CSMD1: variants seen among roughly 807,000 people sequenced by gnomAD.
CSMD1 encodes the protein CUB and sushi domain-containing protein 1.
A neutral mutation model predicts 417.5 loss-of-function variants in CSMD1; 213 were observed. The observed-to-expected ratio is 0.51, with a 90% CI of 0.46 to 0.57. The LOEUF (loss-of-function observed/expected upper bound fraction) is 0.57, where lower values mean the gene tolerates loss of function less well. Ranked by LOEUF, CSMD1 falls within the 20% of genes least tolerant of loss-of-function variation. The pLI is 0.00. For missense variants in CSMD1, 6,923 were observed against 4,529.7 expected, an observed-to-expected ratio of 1.53 and a Z score of -15.17; for synonymous variants, 2,862 against 1,736.8, an observed-to-expected ratio of 1.65 and a Z score of -16.11.
chr8:4,706,970 G>A (rs1184389626), intron 1 of CSMD1, among the ~76,000 whole-genome samples: 1 of 152,212 alleles, frequency 6.6e-6, no homozygotes, highest in African/African-American at 2.4e-5. Flanking sequence ...TGGGGTTAGA[G>A]TGACAGGGAC....
chr8:4,270,301 CTTTATACTGGT>C (rs972284554), intron 3 of CSMD1, among the ~76,000 whole-genome samples: 1 of 152,074 alleles, frequency 6.6e-6, no homozygotes, highest in Non-Finnish European at 1.5e-5. Flanking sequence ...TCTTCCCAGT[CTTTATACTGGT>C]TTTATGCTTT....
intron 4 of CSMD1, among the ~76,000 whole-genome samples, chr8:4,030,847 T>C (rs535059326): frequency 1.3e-5 from 2 of 152,334 alleles, no homozygotes; most frequent in East Asian, 3.9e-4. Context: ...GCTTTGCTGC[T>C]TAGAAATTTA....
chr8:4,130,408 A>G (rs138239062), intron 3 of CSMD1, among the ~76,000 whole-genome samples: 14 of 151,990 alleles, frequency 9.2e-5, no homozygotes, highest in African/African-American at 2.9e-4. Context: ...CAACTTTTTT[A>G]CTCTGCCTCA....
At chr8:4,678,742 A>T (rs1805848499) in intron 1 of CSMD1, among the ~76,000 whole-genome samples, 1 of 152,208 alleles carries the variant, frequency 6.6e-6, no homozygotes. Flanking sequence ...TGCTAATTTC[A>T]AAATAAATAT....
intron 2 of CSMD1, among the ~76,000 whole-genome samples, chr8:4,430,774 C>A (rs534328667): frequency 6.6e-6 from 1 of 152,212 alleles, no homozygotes; most frequent in South Asian, 2.1e-4. Flanking sequence ...ACAATCAAAC[C>A]ATTTACAAAT....
At chr8:4,772,538 A>G (rs1796654522) in intron 1 of CSMD1, among the ~76,000 whole-genome samples, 1 of 152,208 alleles carries the variant, frequency 6.6e-6, no homozygotes, top group Non-Finnish European at 1.5e-5. Flanking sequence ...TTTTGAGAAA[A>G]GTTTTTAGCA....
intron 4 of CSMD1, among the ~76,000 whole-genome samples, chr8:4,026,234 C>A (rs1036191436): frequency 6.6e-6 from 1 of 152,164 alleles, no homozygotes; most frequent in African/African-American, 2.4e-5. Context: ...TGTGCTGCAT[C>A]ATTCAAATAT....
rs771191576 is a variant in CSMD1, at chr8:3,406,091, C to G, written c.2202G>C (p.Glu734Asp). ...DDGFVKTQGS[E>D]SITCILQDGN... is the part of the protein sequence containing the mutation. ...CGTCTTGCAGTATGCAGGTAATGGA[C>G]TCGGATCCCTGGGTCTTGACAAAGC... The change falls in exon 15 of 70, where the codon GAG becomes GAC. Residue 734 changes from glutamate to aspartate, a missense_variant. Coordinates refer to ENST00000635120, the MANE Select transcript of CSMD1 (RefSeq NM_033225.6). 2.5e-6 allele frequency: 4 copies of G among 1,613,834 alleles called. No individual in the cohort carries two copies. Among genetic ancestry groups the G allele is most frequent in the Admixed American group, 1.7e-5 (1 of 60,010 alleles).
intron 5 of CSMD1, among the ~76,000 whole-genome samples, chr8:3,813,373 A>T (rs1423034319): frequency 6.6e-6 from 1 of 152,186 alleles, no homozygotes; most frequent in South Asian, 2.1e-4. Context: ...TGAAGTAAAT[A>T]AACAGTCTAG....
At chr8:4,371,989 C>T (rs1367319) in intron 3 of CSMD1, among the ~76,000 whole-genome samples, 54,434 of 152,112 alleles carry the variant, frequency 0.36, 9,981 homozygotes, top group African/African-American at 0.44. Context: ...AATGTTATGA[C>T]TGAAGACATA....
chr8:3,997,083 A>G (rs969560022), intron 5 of CSMD1, among the ~76,000 whole-genome samples: 3 of 152,202 alleles, frequency 2.0e-5, no homozygotes, highest in Non-Finnish European at 4.4e-5. Context: ...TTGTTTAGTC[A>G]TATTTCAAGA....
rs1381322661 is a variant in CSMD1, at chr8:3,729,938, A to C, written c.932-21447T>G. 5.3e-4 allele frequency among the ~76,000 whole-genome samples: 16 copies of C among 30,272 alleles called. 1 individual carries two copies. The highest frequency in any genetic ancestry group is 1.7e-3 in the Non-Finnish European group (13 of 7,822). 19.9% of individuals were successfully genotyped at this position (30,272 alleles called of 152,430 possible). A position where few individuals can be genotyped will look rare whatever the true frequency, so the allele number is the denominator to read the frequency against. On this transcript the variant is annotated intron_variant, in intron 6 of 69. Coordinates refer to ENST00000635120, the MANE Select transcript of CSMD1 (RefSeq NM_033225.6). Reference sequence around the variant, plus strand: ...AATTCAAAGTAAAAAAAAAAAAAAAAAAAAAAAAAAAAAAAAAAAAAAACA... The same window carrying C: ...AATTCAAAGTAAAAAAAAAAAAAAACAAAAAAAAAAAAAAAAAAAAAAACA...
intron 3 of CSMD1, among the ~76,000 whole-genome samples, chr8:4,157,635 C>G (rs963432809): frequency 6.6e-6 from 1 of 152,198 alleles, no homozygotes; most frequent in Non-Finnish European, 1.5e-5. Flanking sequence ...ATTTTCAGAA[C>G]AGCTCAGACC....
intron 10 of CSMD1, among the ~76,000 whole-genome samples, chr8:3,508,455 A>G (rs1220361520): frequency 6.6e-6 from 1 of 152,074 alleles, no homozygotes; most frequent in Non-Finnish European, 1.5e-5. Flanking sequence ...ATGTATACAT[A>G]TGTAACAAAC....
rs767579851 is a variant in CSMD1, at chr8:4,680,975, T to TGTGTGTGTGTGTGTGA, written c.86-43418_86-43417insTCACACACACACACAC. 1.6e-3 allele frequency among the ~76,000 whole-genome samples: 217 copies of TGTGTGTGTGTGTGTGA among 136,764 alleles called. 1 individual carries two copies. The highest frequency in any genetic ancestry group is 2.4e-3 in the Non-Finnish European group (151 of 63,508). 89.7% of individuals were successfully genotyped at this position (136,764 alleles called of 152,430 possible). On this transcript the variant is annotated intron_variant, in intron 1 of 69. Coordinates refer to ENST00000635120, the MANE Select transcript of CSMD1 (RefSeq NM_033225.6). ...ATGTGTGTGTGTGTGTGTGTGTGTG[T>TGTGTGTGTGTGTGTGA]GAGAGAGAGAGAGAGAGAGAGAGAG...
At chr8:3,700,956 G>C (rs1329667026) in intron 7 of CSMD1, among the ~76,000 whole-genome samples, 2 of 151,958 alleles carry the variant, frequency 1.3e-5, no homozygotes, top group South Asian at 2.1e-4. Flanking sequence ...GCAGGGAGAG[G>C]CTGAGGATGA....
intron 46 of CSMD1, among the ~76,000 whole-genome samples, chr8:3,103,228 T>C (rs1282504013): frequency 2.0e-5 from 3 of 152,210 alleles, no homozygotes; most frequent in African/African-American, 7.2e-5. Flanking sequence ...CTGGCGATAA[T>C]TTCCAGGCCT....
At chr8:4,972,633 C>T (rs764976994) in intron 1 of CSMD1, among the ~76,000 whole-genome samples, 1 of 152,122 alleles carries the variant, frequency 6.6e-6, no homozygotes, top group Non-Finnish European at 1.5e-5. Flanking sequence ...TGAAAATGAA[C>T]TAATACAGAC....
intron 6 of CSMD1, among the ~76,000 whole-genome samples, chr8:3,720,655 A>ACACACACC (rs1435579676): frequency 2.2e-4 from 33 of 148,934 alleles, no homozygotes; most frequent in African/African-American, 6.8e-4. Context: ...ACACACACAC[A>ACACACACC]CCAGCACATT....
Sources: allele counts gnomAD v4.1 joint callset (sites outside exome capture counted in the v4.1 genomes callset), GRCh38; gene constraint gnomAD v4.1.1; transcripts MANE v1.5; gene names NCBI Gene and HGNC (gene_info 2026-07-23, HGNC 2026-07-21).